RAB39A: variants seen among roughly 807,000 people sequenced by gnomAD.
RAB39A encodes ras-related protein Rab-39A.
RAB39A carries 17 observed loss-of-function variants against 20.9 expected under a neutral mutation model. The ratio of observed to expected loss-of-function variants is 0.81; its 90% confidence interval spans 0.56 to 1.22. The LOEUF is 1.22. Ranked by LOEUF, RAB39A falls within the 50% of genes most tolerant of loss-of-function variation. The pLI, the probability that RAB39A is intolerant of heterozygous loss-of-function variation, is 0.00. For missense variants in RAB39A, 234 were observed against 270.5 expected (o/e 0.87, Z 0.95); for synonymous variants, 99 against 103.4 (o/e 0.96, Z 0.26).
chr11:107,950,391 A>T (rs959923787), intron 1 of RAB39A, among the ~76,000 whole-genome samples: 3 of 152,136 alleles, frequency 2.0e-5, no homozygotes, highest in Admixed American at 6.6e-5. Flanking sequence ...GAACATATTC[A>T]GTTGTTTATT....
chr11:107,938,019 A>G (rs1861213564), intron 1 of RAB39A, among the ~76,000 whole-genome samples: 1 of 152,264 alleles, frequency 6.6e-6, no homozygotes, highest in East Asian at 1.9e-4. Flanking sequence ...GGAAATGAGC[A>G]GTCACCCCCA....
At chr11:107,946,450 A>G (rs1426324240) in intron 1 of RAB39A, among the ~76,000 whole-genome samples, 3 of 72,430 alleles carry the variant, frequency 4.1e-5, no homozygotes, top group Admixed American at 1.8e-4. Flanking sequence ...ATATATATAT[A>G]TATATATATA....
chr11:107,943,602 C>T (rs997470963), intron 1 of RAB39A, among the ~76,000 whole-genome samples: 39 of 150,330 alleles, frequency 2.6e-4, no homozygotes, highest in African/African-American at 8.8e-4. Flanking sequence ...TTAATCAGGA[C>T]AAGGATTTAC....
chr11:107,937,303 T>TAA (rs879413776), intron 1 of RAB39A, among the ~76,000 whole-genome samples: 3 of 144,052 alleles, frequency 2.1e-5, no homozygotes, highest in African/African-American at 5.1e-5. Flanking sequence ...CCCAGCTAAT[T>TAA]AAAAAAAAAA....
Position 107,928,521 on chromosome 11 carries a change from C to T in RAB39A, c.-48C>T. On this transcript the variant is annotated 5_prime_UTR_variant, in exon 1 of 2. Coordinates refer to ENST00000320578, the MANE Select transcript of RAB39A (RefSeq NM_017516.3). The surrounding 1 kb of genome is among the most constrained non-coding windows in gnomAD (Gnocchi z 4.9). ...TGAAAGGACAGTTCCCGCCGCCGAA[C>T]TTAGCCCGCGGGTGGGGCGGCCCGG... 1 of 1,375,354 alleles carries T rather than the reference C, an allele frequency of 7.3e-7. No homozygotes were observed. Among genetic ancestry groups the T allele is most frequent in the Admixed American group, 2.5e-5 (1 of 39,826 alleles). 85.2% of individuals were successfully genotyped at this position (1,375,354 alleles called of 1,614,324 possible). A position where few individuals can be genotyped will look rare whatever the true frequency, so the allele number is the denominator to read the frequency against.
In RAB39A at chr11:107,962,233, C is replaced by G; in HGVS notation, c.515C>G (p.Thr172Arg). The change falls in exon 2 of 2, where the codon ACG becomes AGG. Residue 172 changes from threonine to arginine, a missense_variant. Coordinates refer to ENST00000320578, the MANE Select transcript of RAB39A (RefSeq NM_017516.3). ...GTTGAAGAATCCTTCACAATCTTGA[C>G]GAGAGACATATATGAACTTATTAAA... ...TNVEESFTIL[T>R]RDIYELIKKG... is the part of the protein sequence containing the mutation. 3.7e-6 allele frequency: 6 copies of G among 1,613,800 alleles called. No homozygotes were observed. Among genetic ancestry groups the G allele is most frequent in the Non-Finnish European group, 5.1e-6 (6 of 1,179,904 alleles).
intron 1 of RAB39A, among the ~76,000 whole-genome samples, chr11:107,935,441 C>A (rs149583665): frequency 6.6e-6 from 1 of 150,550 alleles, no homozygotes; most frequent in Non-Finnish European, 1.5e-5. Context: ...GTGGTGCGAT[C>A]TCGGCTCACT....
intron 1 of RAB39A, among the ~76,000 whole-genome samples, chr11:107,932,296 A>T: frequency 6.6e-6 from 1 of 152,238 alleles, no homozygotes; most frequent in East Asian, 1.9e-4. Flanking sequence ...AGATTTGTAT[A>T]TTAAAGAAAT....
intron 1 of RAB39A, among the ~76,000 whole-genome samples, chr11:107,933,377 C>CTTTTTTT (rs71047649): frequency 2.7e-5 from 2 of 73,062 alleles, no homozygotes; most frequent in African/African-American, 6.3e-5. Context: ...TTTATTCTTT[C>CTTTTTTT]TTTTTTTTTT....
intron 1 of RAB39A, among the ~76,000 whole-genome samples, chr11:107,956,860 C>T (rs1055677478): frequency 2.6e-5 from 4 of 151,874 alleles, no homozygotes; most frequent in African/African-American, 9.7e-5. Context: ...TCCAAGAGAA[C>T]AATTATAATG....
chr11:107,934,861 G>A (rs893947428), intron 1 of RAB39A, among the ~76,000 whole-genome samples: 5 of 151,334 alleles, frequency 3.3e-5, no homozygotes, highest in Middle Eastern at 3.4e-3. Flanking sequence ...CCCAGGAAGC[G>A]GAGGTTGCGG....
Position 107,963,083 on chromosome 11 carries a change from GA to G in RAB39A, c.*712del, listed in dbSNP as rs1861516468. 6.8e-6 allele frequency: 1 copy of G among 146,668 alleles called. No homozygotes were observed. Among genetic ancestry groups the G allele is most frequent in the Non-Finnish European group, 1.5e-5 (1 of 66,710 alleles). 9.1% of individuals were successfully genotyped at this position (146,668 alleles called of 1,614,324 possible). On this transcript the variant is annotated 3_prime_UTR_variant, in exon 2 of 2. Transcript: ENST00000320578. Reference sequence around the variant, plus strand: ...GTTTGAAATGTTGCTTTTTTTTTTTGAGACAGGGTCTTGTTTTGTCACCCAG... The same window carrying G: ...GTTTGAAATGTTGCTTTTTTTTTTTGGACAGGGTCTTGTTTTGTCACCCAG...
rs772795916 is a variant in RAB39A, at chr11:107,962,408, G to C, written c.*36G>C. 1.9e-6 allele frequency: 3 copies of C among 1,541,934 alleles called. No homozygotes were observed. Among genetic ancestry groups the C allele is most frequent in the Non-Finnish European group, 2.6e-6 (3 of 1,138,092 alleles). ...GCTGAAGAACTAACAGGAACAGATT[G>C]GGTGTCAGTTCAGGATAAATACCAA... On this transcript the variant is annotated 3_prime_UTR_variant, in exon 2 of 2. Transcript: ENST00000320578.
chr11:107,942,726 G>A (rs1432888069), intron 1 of RAB39A, among the ~76,000 whole-genome samples: 1 of 152,124 alleles, frequency 6.6e-6, no homozygotes, highest in African/African-American at 2.4e-5. Context: ...AACGTTTTCA[G>A]TGCTCTTCCT....
At chr11:107,931,515 T>G (rs1312626131) in intron 1 of RAB39A, among the ~76,000 whole-genome samples, 1 of 152,206 alleles carries the variant, frequency 6.6e-6, no homozygotes, top group Non-Finnish European at 1.5e-5. Flanking sequence ...ACCAGAATGT[T>G]TTACCTTAAG....
chr11:107,953,574 A>T (rs1248957635), intron 1 of RAB39A, among the ~76,000 whole-genome samples: 2 of 152,192 alleles, frequency 1.3e-5, no homozygotes, highest in African/African-American at 4.8e-5. Context: ...ATTCAGTAGA[A>T]GCATCACGGG....
intron 1 of RAB39A, among the ~76,000 whole-genome samples, chr11:107,955,157 C>T (rs1015117786): frequency 4.0e-5 from 6 of 151,708 alleles, no homozygotes; most frequent in South Asian, 4.2e-4. Flanking sequence ...CCACCATGCC[C>T]GGCTAATTTT....
intron 1 of RAB39A, among the ~76,000 whole-genome samples, chr11:107,933,301 T>TTA (rs201420179): frequency 2.6e-5 from 3 of 114,416 alleles, no homozygotes; most frequent in Admixed American, 9.6e-5. Context: ...CTGTGATTCT[T>TTA]TATATATATA....
rs1252588761 is a variant in RAB39A at position 107,952,536 on chromosome 11, G to A, written c.228-9410G>A. Among the ~76,000 whole-genome samples the A allele has an allele frequency of 3.3e-5, 5 of 150,578 alleles. No homozygotes were observed. In the South Asian group the frequency reaches 6.4e-4, roughly 19 times the overall value. ...GTGGAGGTTGCAGTAAGCCGAGACC[G>A]TGCCATTGTGTTCCAGCCTGAGCAA... On this transcript the variant is annotated intron_variant, in intron 1 of 1. Coordinates refer to ENST00000320578, the MANE Select transcript of RAB39A (RefSeq NM_017516.3).
Sources: gnomAD v4.1 joint callset for allele counts (sites outside exome capture counted in the v4.1 genomes callset) on GRCh38, gnomAD v4.1.1 for gene constraint, Gnocchi (gnomAD v3.1) non-coding constraint, MANE v1.5 for transcripts, NCBI Gene and HGNC (gene_info 2026-07-23, HGNC 2026-07-21) for gene names.